Variants in BAZ2B observed in about 807,000 individuals in gnomAD.
The protein encoded by BAZ2B is bromodomain adjacent to zinc finger domain protein 2B.
A neutral mutation model predicts 246.0 loss-of-function variants in BAZ2B; 91 were observed. The observed-to-expected ratio is 0.37, with a 90% CI of 0.31 to 0.44. The LOEUF is 0.44. BAZ2B is among the 20% of genes least tolerant of loss of function. The pLI, the probability that BAZ2B is intolerant of heterozygous loss-of-function variation, is 1.00. For synonymous variants in BAZ2B, 855 were observed against 860.0 expected (o/e 0.99, Z 0.10); for missense variants, 2,332 against 2,533.7 (o/e 0.92, Z 1.71).
chr2:159,342,269 C>T (rs2066865952), intron 31 of BAZ2B, among the ~76,000 whole-genome samples: 1 of 152,146 alleles, frequency 6.6e-6, no homozygotes, highest in Admixed American at 6.5e-5. Flanking sequence ...AGATTCAATG[C>T]TATTCCTATA....
intron 27 of BAZ2B, among the ~76,000 whole-genome samples, chr2:159,366,178 G>A (rs758113505): frequency 1.3e-5 from 2 of 152,008 alleles, no homozygotes; most frequent in Non-Finnish European, 2.9e-5. Flanking sequence ...CTTACATCTC[G>A]GCTCCCAGTG....
At chr2:159,543,397 A>G (rs13030797) in intron 2 of BAZ2B, among the ~76,000 whole-genome samples, 8 of 152,178 alleles carry the variant, frequency 5.3e-5, no homozygotes, top group Non-Finnish European at 1.2e-4. Flanking sequence ...ACTGAGTAAA[A>G]TAAGTGATAA....
intron 17 of BAZ2B, chr2:159,399,106 T>A (rs1356725459): frequency 2.5e-6 from 1 of 406,562 alleles, no homozygotes; most frequent in Non-Finnish European, 4.3e-6. Context: ...TACACAAAAA[T>A]TTCTTAGAGT....
chr2:159,640,398 ATTC>A, the BAZ2B span, among the ~76,000 whole-genome samples: 3 of 152,262 alleles, frequency 2.0e-5, no homozygotes, highest in East Asian at 5.8e-4. Context: ...CAGAATATAC[ATTC>A]TTCTTCTTGG....
At chr2:159,344,720 G>A (rs1056199030) in intron 31 of BAZ2B, among the ~76,000 whole-genome samples, 2 of 152,078 alleles carry the variant, frequency 1.3e-5, no homozygotes, top group East Asian at 1.9e-4. Context: ...TGTCATTAGA[G>A]GCAACATGGA....
At chr2:159,412,043 T>C (rs2066916293) in intron 14 of BAZ2B, 1 of 843,492 alleles carries the variant, frequency 1.2e-6, no homozygotes, top group Non-Finnish European at 1.4e-6. Flanking sequence ...TTAAGGCATG[T>C]GCCAAGTGCT....
chr2:159,481,379 C>A (rs996035852), intron 2 of BAZ2B, among the ~76,000 whole-genome samples: 1 of 151,186 alleles, frequency 6.6e-6, no homozygotes, highest in Non-Finnish European at 1.5e-5. Flanking sequence ...ATGTAACAAA[C>A]CTGCATGTTG....
chr2:159,371,718 T>G (rs753994255), intron 27 of BAZ2B, among the ~76,000 whole-genome samples: 2 of 152,190 alleles, frequency 1.3e-5, no homozygotes, highest in Non-Finnish European at 2.9e-5. Context: ...CCAAAATTAG[T>G]CTCTGTTCTC....
In BAZ2B at chr2:159,320,072, T is replaced by C; in HGVS notation, c.*193A>G. 1 of 461,926 alleles carries C rather than the reference T, an allele frequency of 2.2e-6. No homozygotes were observed. Among genetic ancestry groups the C allele is most frequent in the Non-Finnish European group, 3.6e-6 (1 of 280,552 alleles). The allele number at this position is 461,926 out of a possible 1,614,324, so 28.6% of individuals were successfully genotyped here. A position where few individuals can be genotyped will look rare whatever the true frequency, so the allele number is the denominator to read the frequency against. On this transcript the variant is annotated 3_prime_UTR_variant, in exon 37 of 37. Coordinates refer to ENST00000392783, the MANE Select transcript of BAZ2B (RefSeq NM_013450.4). ...TTAGCTGATAAATCACACAAACCAA[T>C]AACCGAGGGCCTTGGTTGTTGTAGG...
intron 2 of BAZ2B, among the ~76,000 whole-genome samples, chr2:159,484,886 A>C (rs2079647957): frequency 6.6e-6 from 1 of 152,234 alleles, no homozygotes; most frequent in African/African-American, 2.4e-5. Flanking sequence ...TTACAAATAA[A>C]AATAGACTTA....
At chr2:159,518,859 C>T (rs1423963364) in intron 2 of BAZ2B, among the ~76,000 whole-genome samples, 1 of 152,138 alleles carries the variant, frequency 6.6e-6, no homozygotes, top group Non-Finnish European at 1.5e-5. Context: ...GATCAAATTA[C>T]AAAATTCTCA....
intron 27 of BAZ2B, among the ~76,000 whole-genome samples, chr2:159,351,116 G>T (rs540577796): frequency 4.6e-5 from 7 of 152,072 alleles, no homozygotes; most frequent in African/African-American, 1.7e-4. Flanking sequence ...ATTACAAGCT[G>T]TACTACACAG....
intron 2 of BAZ2B, among the ~76,000 whole-genome samples, chr2:159,514,909 A>T (rs1433523138): frequency 1.3e-5 from 2 of 152,148 alleles, no homozygotes; most frequent in Non-Finnish European, 2.9e-5. Flanking sequence ...ATACTCACAA[A>T]CTTAACCTTT....
intron 1 of BAZ2B, among the ~76,000 whole-genome samples, chr2:159,569,495 G>A (rs1559798768): frequency 6.6e-6 from 1 of 152,012 alleles, no homozygotes; most frequent in East Asian, 1.9e-4. Context: ...ATATTAAGCA[G>A]AAAAAGTATA....
At chr2:159,439,925 C>T (rs1030470370) in intron 6 of BAZ2B, among the ~76,000 whole-genome samples, 3 of 151,704 alleles carry the variant, frequency 2.0e-5, no homozygotes, top group African/African-American at 7.3e-5. Context: ...TAAGACTCTG[C>T]AAGAAAAATA....
intron 30 of BAZ2B, among the ~76,000 whole-genome samples, chr2:159,348,206 G>A (rs932078742): frequency 6.6e-6 from 1 of 150,618 alleles, no homozygotes; most frequent in Non-Finnish European, 1.5e-5. Flanking sequence ...TGTAGTCCCA[G>A]CTACTCAGAA....
chr2:159,382,375 T>G (rs985082145), intron 25 of BAZ2B, among the ~76,000 whole-genome samples, 184 bp downstream of exon 25: 3 of 152,194 alleles, frequency 2.0e-5, no homozygotes, highest in Non-Finnish European at 4.4e-5. Context: ...TACAAGATAT[T>G]TACATAACCA....
intron 1 of BAZ2B, among the ~76,000 whole-genome samples, chr2:159,560,493 G>GT (rs1160554608): frequency 1.3e-5 from 2 of 152,158 alleles, no homozygotes; most frequent in African/African-American, 4.8e-5. Context: ...TGGACATGGA[G>GT]AAGTTAAGGA....
intron 3 of BAZ2B, chr2:159,458,662 A>G: frequency 6.6e-6 from 1 of 152,308 alleles, no homozygotes; most frequent in Non-Finnish European, 1.5e-5. Flanking sequence ...CATCCTTAAG[A>G]TCTAGGTCGT....
Sources: gnomAD v4.1 joint callset for allele counts (sites outside exome capture counted in the v4.1 genomes callset) on GRCh38, gnomAD v4.1.1 for gene constraint, MANE v1.5 for transcripts, NCBI Gene and HGNC (gene_info 2026-07-23, HGNC 2026-07-21) for gene names.